CSMD1: variants seen among roughly 807,000 people sequenced by gnomAD.
The protein encoded by CSMD1 is CUB and Sushi multiple domains 1, also known as CUB and sushi domain-containing protein 1.
Under a neutral mutation model 417.5 loss-of-function variants are expected in CSMD1, and 213 were observed. That is an observed-to-expected ratio of 0.51 (90% CI 0.46 to 0.57). CSMD1 has a LOEUF of 0.57. Ranked by LOEUF, CSMD1 falls within the 20% of genes least tolerant of loss-of-function variation. The pLI, the probability that CSMD1 is intolerant of heterozygous loss-of-function variation, is 0.00. For missense variants in CSMD1, 6,923 were observed against 4,529.7 expected (o/e 1.53, Z -15.17); for synonymous variants, 2,862 against 1,736.8 (o/e 1.65, Z -16.11).
intron 1 of CSMD1, among the ~76,000 whole-genome samples, chr8:4,815,226 G>A (rs535022056): frequency 6.6e-6 from 1 of 151,578 alleles, no homozygotes; most frequent in African/African-American, 2.4e-5. Context: ...TTCATCAAAT[G>A]ATTATTTGAT....
intron 4 of CSMD1, among the ~76,000 whole-genome samples, chr8:4,010,149 C>T (rs957548743): frequency 6.6e-6 from 1 of 152,148 alleles, no homozygotes; most frequent in East Asian, 1.9e-4. Context: ...CTGAAGTCAT[C>T]TCAGTAGCCA....
intron 7 of CSMD1, among the ~76,000 whole-genome samples, chr8:3,637,524 C>A (rs894304696): frequency 6.6e-6 from 1 of 152,124 alleles, no homozygotes; most frequent in East Asian, 1.9e-4. Context: ...AACTACCTGA[C>A]AAGAAGTATA....
intron 1 of CSMD1, among the ~76,000 whole-genome samples, chr8:4,884,671 A>C (rs2116971964): frequency 1.3e-5 from 2 of 152,208 alleles, no homozygotes; most frequent in South Asian, 4.1e-4. Context: ...TCAAATAACA[A>C]TTGCCCAGAA....
At chr8:3,182,063 C>T (rs745791682) in intron 36 of CSMD1, among the ~76,000 whole-genome samples, 1 of 152,090 alleles carries the variant, frequency 6.6e-6, no homozygotes, top group Non-Finnish European at 1.5e-5. Context: ...AAGAACTATC[C>T]ATTGTGTAAA....
chr8:3,194,689 C>G (rs1796608102), intron 33 of CSMD1, among the ~76,000 whole-genome samples: 1 of 151,258 alleles, frequency 6.6e-6, no homozygotes, highest in Admixed American at 6.6e-5. Context: ...ACGCTGGTCT[C>G]AAACTCCTGA....
intron 12 of CSMD1, among the ~76,000 whole-genome samples, chr8:3,416,938 C>G (rs9314487): frequency 0.11 from 16,501 of 152,238 alleles, 977 homozygotes; most frequent in African/African-American, 0.14. Context: ...ATTAGGTTCA[C>G]CCATAGTCAT....
At chr8:4,538,456 G>A (rs755122193) in intron 2 of CSMD1, among the ~76,000 whole-genome samples, 10 of 151,794 alleles carry the variant, frequency 6.6e-5, no homozygotes, top group African/African-American at 1.9e-4. Flanking sequence ...CAGCCTGGTC[G>A]ACATGGTGAA....
intron 7 of CSMD1, among the ~76,000 whole-genome samples, chr8:3,659,464 A>T (rs1798300762): frequency 6.6e-6 from 1 of 152,210 alleles, no homozygotes; most frequent in Admixed American, 6.5e-5. Context: ...CAAATCTCCG[A>T]AACACAGAAG....
intron 11 of CSMD1, among the ~76,000 whole-genome samples, chr8:3,472,223 T>C (rs941942586): frequency 2.0e-5 from 3 of 152,110 alleles, no homozygotes; most frequent in Non-Finnish European, 4.4e-5. Flanking sequence ...AGGTGCAAGG[T>C]ATGAAATCAC....
chr8:3,630,077 G>A (rs1175692090), intron 7 of CSMD1, among the ~76,000 whole-genome samples: 1 of 152,160 alleles, frequency 6.6e-6, no homozygotes, highest in Non-Finnish European at 1.5e-5. Flanking sequence ...AATCCCCATG[G>A]AAATAACACT....
At chr8:4,869,556 G>C (rs1039591042) in intron 1 of CSMD1, among the ~76,000 whole-genome samples, 2 of 151,988 alleles carry the variant, frequency 1.3e-5, no homozygotes, top group Non-Finnish European at 2.9e-5. Context: ...CTGCATGGCT[G>C]TTATGAAAAG....
At chr8:4,304,699 G>A (rs1798151958) in intron 3 of CSMD1, among the ~76,000 whole-genome samples, 1 of 152,212 alleles carries the variant, frequency 6.6e-6, no homozygotes, top group African/African-American at 2.4e-5. Context: ...TGAAGATGAT[G>A]CCCCTCCCTA....
At chr8:4,216,765 T>G (rs1282263019) in intron 3 of CSMD1, among the ~76,000 whole-genome samples, 1 of 152,124 alleles carries the variant, frequency 6.6e-6, no homozygotes, top group Non-Finnish European at 1.5e-5. Context: ...ACCATTCTCT[T>G]TACAGAAAAG....
intron 15 of CSMD1, among the ~76,000 whole-genome samples, chr8:3,399,849 G>C (rs185418783): frequency 6.6e-5 from 10 of 152,124 alleles, no homozygotes; most frequent in Non-Finnish European, 1.3e-4. Context: ...GTTATCTATA[G>C]TTTACATGCA....
At chr8:4,482,554 A>G (rs1042973157) in intron 2 of CSMD1, among the ~76,000 whole-genome samples, 5 of 152,224 alleles carry the variant, frequency 3.3e-5, no homozygotes, top group African/African-American at 1.2e-4. Context: ...TGCAATGAAC[A>G]CACATGTGCA....
At chr8:4,169,397 T>C (rs1359279641) in intron 3 of CSMD1, among the ~76,000 whole-genome samples, 5 of 152,116 alleles carry the variant, frequency 3.3e-5, no homozygotes, top group African/African-American at 9.7e-5. Context: ...ACATGAGGCA[T>C]TGTAAATACT....
intron 2 of CSMD1, among the ~76,000 whole-genome samples, chr8:4,424,582 T>C (rs867222838): frequency 4.6e-5 from 7 of 152,100 alleles, no homozygotes; most frequent in Admixed American, 1.3e-4. Flanking sequence ...GAAAATTGGT[T>C]GCTCTTATAC....
At chr8:3,716,563 T>C (rs1801849169) in intron 6 of CSMD1, among the ~76,000 whole-genome samples, 1 of 152,158 alleles carries the variant, frequency 6.6e-6, no homozygotes, top group Non-Finnish European at 1.5e-5. Context: ...GTCCCCGTCT[T>C]GGTTTCGGGA....
intron 25 of CSMD1, among the ~76,000 whole-genome samples, chr8:3,291,891 C>A (rs1406209370): frequency 6.6e-6 from 1 of 151,906 alleles, no homozygotes; most frequent in African/African-American, 2.4e-5. Flanking sequence ...TTTGTTCTTG[C>A]TTTTCTAGTT....
Sources: allele counts gnomAD v4.1 joint callset (sites outside exome capture counted in the v4.1 genomes callset), GRCh38; gene constraint gnomAD v4.1.1; transcripts MANE v1.5; gene names NCBI Gene and HGNC (gene_info 2026-07-23, HGNC 2026-07-21).